The following CNTN4 variants were observed in gnomAD, a reference collection of about 807,000 sequenced individuals.
CNTN4 encodes contactin-4.
CNTN4 carries 77 observed loss-of-function variants against 122.5 expected under a neutral mutation model. The ratio of observed to expected loss-of-function variants is 0.63; its 90% CI spans 0.52 to 0.76. CNTN4 has a LOEUF of 0.76. Among genes scored for constraint, CNTN4 ranks in the 30% least tolerant of loss-of-function variants. The pLI, the probability that CNTN4 is intolerant of heterozygous loss-of-function variation, is 0.00. For synonymous variants in CNTN4, 512 were observed against 447.0 expected (o/e 1.15, Z -1.83); for missense variants, 1,256 against 1,259.1 (o/e 1.00, Z 0.04).
At chr3:2,530,309 CTTTT>C (rs1206246281) in intron 3 of CNTN4, among the ~76,000 whole-genome samples, 2 of 134,706 alleles carry the variant, frequency 1.5e-5, no homozygotes, top group Admixed American at 7.5e-5. Context: ...TTCTCCTCTT[CTTTT>C]TTTTTTTTTT....
At chr3:2,367,698 T>C (rs1051964406) in intron 3 of CNTN4, among the ~76,000 whole-genome samples, 11 of 152,186 alleles carry the variant, frequency 7.2e-5, no homozygotes, top group African/African-American at 2.4e-4. Flanking sequence ...TTGACCAGGC[T>C]GGTCTCGAAC....
At chr3:2,384,375 C>T (rs1415348071) in intron 3 of CNTN4, among the ~76,000 whole-genome samples, 1 of 152,126 alleles carries the variant, frequency 6.6e-6, no homozygotes, top group Non-Finnish European at 1.5e-5. Context: ...ATCTTACCAT[C>T]TTACCTCTTC....
intron 3 of CNTN4, among the ~76,000 whole-genome samples, chr3:2,460,522 G>T (rs2049165601): frequency 6.6e-6 from 1 of 151,936 alleles, no homozygotes; most frequent in Non-Finnish European, 1.5e-5. Context: ...GCAGATACTG[G>T]GCCTTTGATT....
chr3:2,778,437 C>G (rs1193470325), intron 6 of CNTN4, among the ~76,000 whole-genome samples: 2 of 152,002 alleles, frequency 1.3e-5, no homozygotes, highest in Non-Finnish European at 2.9e-5. Flanking sequence ...CAAGTTCTCA[C>G]CAGAAAATCA....
intron 4 of CNTN4, among the ~76,000 whole-genome samples, chr3:2,677,355 CAG>C (rs2084917097): frequency 6.8e-6 from 1 of 147,912 alleles, no homozygotes; most frequent in African/African-American, 2.5e-5. Flanking sequence ...GTGGGGGGCA[CAG>C]AGTCTTGCTC....
intron 3 of CNTN4, among the ~76,000 whole-genome samples, chr3:2,546,884 G>A (rs1021355348): frequency 3.3e-5 from 5 of 152,052 alleles, no homozygotes; most frequent in African/African-American, 4.8e-5. Flanking sequence ...CATTCCGAGC[G>A]GATGTTCTAG....
intron 8 of CNTN4, 68 bp downstream of exon 8, chr3:2,867,017 G>A (rs1234942241): frequency 6.8e-5 from 92 of 1,351,110 alleles, no homozygotes; most frequent in Non-Finnish European, 9.3e-5. Flanking sequence ...GGTATGTTAT[G>A]TTGTTGGCAC....
chr3:2,238,938 G>T (rs1337601775), intron 2 of CNTN4: 1 of 132,134 alleles, frequency 7.6e-6, no homozygotes, highest in Non-Finnish European at 1.6e-5. Context: ...TGTTAGCCAG[G>T]ATGGTCTCGA....
intron 4 of CNTN4, among the ~76,000 whole-genome samples, chr3:2,610,391 T>C (rs1211870232): frequency 2.0e-5 from 3 of 152,224 alleles, no homozygotes; most frequent in African/African-American, 7.2e-5. Flanking sequence ...TGTTTTTAAA[T>C]TGCTTTTGCT....
At position 2,429,485 on chromosome 3, in the gene CNTN4, G is replaced by A. The variant is rs149925000; in HGVS notation, c.-89+90252G>A. Reference sequence around the variant, plus strand: ...CACCCGGCCATATGAGGTGTCAGTCGGCCCCTACTGGGAGGTGCCTCCCAG... The same window carrying A: ...CACCCGGCCATATGAGGTGTCAGTCAGCCCCTACTGGGAGGTGCCTCCCAG... On this transcript the variant is annotated intron_variant, in intron 3 of 24. Coordinates refer to ENST00000418658, the MANE Select transcript of CNTN4 (RefSeq NM_175607.3). Among the ~76,000 whole-genome samples, 844 of 152,270 alleles carry A rather than the reference G, an allele frequency of 5.5e-3. 5 individuals carry two copies. Among genetic ancestry groups the A allele is most frequent in the African/African-American group, 0.02 (813 of 41,544 alleles).
chr3:2,583,979 A>G (rs1301914302), intron 4 of CNTN4, among the ~76,000 whole-genome samples: 1 of 152,190 alleles, frequency 6.6e-6, no homozygotes, highest in Non-Finnish European at 1.5e-5. Flanking sequence ...AGTGGATAAG[A>G]TCATGGTCCT....
At chr3:2,882,564 G>C (rs1466390679) in intron 8 of CNTN4, among the ~76,000 whole-genome samples, 1 of 152,090 alleles carries the variant, frequency 6.6e-6, no homozygotes, top group Non-Finnish European at 1.5e-5. Flanking sequence ...GTTTTCTGTA[G>C]CTGTATCTTG....
chr3:2,399,021 A>G (rs548830258), intron 3 of CNTN4, among the ~76,000 whole-genome samples: 1 of 152,254 alleles, frequency 6.6e-6, no homozygotes, highest in South Asian at 2.1e-4. Context: ...ATCAGACAGC[A>G]TTTGGGGAGA....
intron 4 of CNTN4, among the ~76,000 whole-genome samples, chr3:2,643,759 A>G (rs544875520): frequency 2.3e-4 from 35 of 152,284 alleles, no homozygotes; most frequent in Non-Finnish European, 3.4e-4. Context: ...GCTACATTAC[A>G]AAGAGTAGAC....
At chr3:2,833,870 T>G (rs9869817) in intron 7 of CNTN4, among the ~76,000 whole-genome samples, 51,121 of 152,102 alleles carry the variant, frequency 0.34, 9,720 homozygotes, top group African/African-American at 0.51. Flanking sequence ...CTGGGCGAGG[T>G]GGCTCACACC....
intron 4 of CNTN4, among the ~76,000 whole-genome samples, chr3:2,716,298 A>G (rs989124782): frequency 2.0e-5 from 3 of 151,624 alleles, no homozygotes; most frequent in South Asian, 4.1e-4. Flanking sequence ...GCACAGCATT[A>G]TCATATATCA....
In CNTN4 at chr3:2,222,299, C is replaced by T. The variant is rs2039090997; in HGVS notation, c.-144-116879C>T. Among the ~76,000 whole-genome samples the T allele has an allele frequency of 2.0e-5, 3 of 152,102 alleles. No individual in the cohort carries two copies. The South Asian group carries it at 6.2e-4, about 32-fold the overall frequency. Reference sequence around the variant, plus strand: ...GTGAAAGAAAGTAGTCACAAGGGATCACATATTATATGATACTGTTTATAT... The same window carrying T: ...GTGAAAGAAAGTAGTCACAAGGGATTACATATTATATGATACTGTTTATAT... On this transcript the variant is annotated intron_variant, in intron 2 of 24. Coordinates refer to ENST00000418658, the MANE Select transcript of CNTN4 (RefSeq NM_175607.3).
chr3:2,725,775 T>G (rs909095065), intron 4 of CNTN4, among the ~76,000 whole-genome samples: 1 of 152,136 alleles, frequency 6.6e-6, no homozygotes, highest in African/African-American at 2.4e-5. Context: ...CCTGCCACAT[T>G]GCTGAAGACC....
intron 2 of CNTN4, among the ~76,000 whole-genome samples, chr3:2,250,713 G>T (rs545068042): frequency 6.6e-6 from 1 of 151,896 alleles, no homozygotes; most frequent in African/African-American, 2.4e-5. Flanking sequence ...ATTTGGTTTT[G>T]GACTGCATTA....
Sources: gnomAD v4.1 joint callset for allele counts (sites outside exome capture counted in the v4.1 genomes callset) on GRCh38, gnomAD v4.1.1 for gene constraint, MANE v1.5 for transcripts, NCBI Gene and HGNC (gene_info 2026-07-23, HGNC 2026-07-21) for gene names.